Variants in AIFM3 observed in about 807,000 individuals in gnomAD.
The protein encoded by AIFM3 is apoptosis-inducing factor 3.
Under a neutral mutation model 82.7 loss-of-function variants are expected in AIFM3, and 71 were observed. That is an observed-to-expected ratio of 0.86 (90% CI 0.71 to 1.05). The LOEUF (loss-of-function observed/expected upper bound fraction) is 1.05, where lower values mean the gene tolerates loss of function less well. AIFM3 is among the 50% of genes least tolerant of loss of function. The probability of loss-of-function intolerance (pLI) is 0.00; values close to 1 mark genes in which losing one functional copy is unlikely to be tolerated. For missense variants in AIFM3, 748 were observed against 816.7 expected, an observed-to-expected ratio of 0.92 and a Z score of 1.03; for synonymous variants, 337 against 329.1, an observed-to-expected ratio of 1.02 and a Z score of -0.26.
At chr22:20,980,332 G>A in intron 19 of AIFM3, 1 of 607,950 alleles carries the variant, frequency 1.6e-6, no homozygotes, top group East Asian at 2.8e-5. Context: ...TGGATGGAAG[G>A]GATAGAGATG....
intron 10 of AIFM3, 38 bp downstream of exon 10, chr22:20,976,344 A>G: frequency 6.2e-7 from 1 of 1,613,742 alleles, no homozygotes; most frequent in Non-Finnish European, 8.5e-7. Context: ...GACACTAGGC[A>G]GGGCACTGGC....
In AIFM3 at chr22:20,974,719, T is replaced by C; in HGVS notation, c.623T>C (p.Val208Ala). Residue 208 changes from valine (V) to alanine (A), a missense_variant, in exon 8 of 21, where the codon GTG becomes GCG. Physicochemically the swap from Val to Ala is moderately conservative, Grantham distance 64 (BLOSUM62 0). This residue lies in a region of AIFM3 where 393 missense variants were observed against 481.1 expected (regional missense o/e 0.82). Coordinates refer to ENST00000440238, the MANE Select transcript of AIFM3 (RefSeq NM_001386814.1). ...CTCCCCTCAGGTGCAGCTGGCCTGG[T>C]GTGTGCAGAGACACTGCGGCAGGAG... ...LIVGAGAAGL[V>A]CAETLRQEGF... The C allele has an allele frequency of 6.2e-7, 1 of 1,614,054 alleles. No homozygotes were observed. The highest frequency in any genetic ancestry group is 1.1e-5 in the South Asian group (1 of 91,066).
intron 2 of AIFM3, 39 bp downstream of exon 2, chr22:20,968,014 TCCCCGCCTCCTCCTCCCCCGTCTC>T: frequency 6.3e-7 from 1 of 1,580,524 alleles, no homozygotes; most frequent in Non-Finnish European, 8.6e-7. Flanking sequence ...TTCTCCTCCC[TCCCCGCCTCCTCCTCCCCCGTCTC>T]CCCCCCCTCC....
intron 3 of AIFM3, 111 bp downstream of exon 3, chr22:20,973,631 C>T: frequency 7.2e-7 from 1 of 1,384,586 alleles, no homozygotes; most frequent in Non-Finnish European, 9.8e-7. Flanking sequence ...CCAGCTGCTG[C>T]CCTGGTCACT....
At chr22:20,975,847 T>C (rs978630517) in intron 9 of AIFM3, 69 bp downstream of exon 9, 235 of 1,541,358 alleles carry the variant, frequency 1.5e-4, no homozygotes, top group Non-Finnish European at 2.0e-4. Flanking sequence ...TGTGGGCCCC[T>C]GGGGTGGGGT....
intron 3 of AIFM3, 60 bp from the exon 4 acceptor site, chr22:20,973,698 G>C: frequency 6.9e-7 from 1 of 1,459,360 alleles, no homozygotes; most frequent in Non-Finnish European, 9.2e-7. Flanking sequence ...ACACTGGGAG[G>C]AGCTGCCAGG....
chr22:20,976,706 G>T lies in AIFM3; in HGVS notation c.1086G>T (p.Glu362Asp). Residue 362 changes from glutamate (E) to aspartate (D), a missense_variant, in exon 12 of 21, where the codon GAG becomes GAT. Glu to Asp is a conservative substitution (Grantham distance 45). Around this residue, in one of 5 missense-constraint regions of AIFM3, gnomAD observed 393 missense variants for 481.1 expected, o/e 0.82. Transcript: ENST00000440238. ...TEKAHSVSVVELEETPFRRFL... is the reference protein window; with the variant it reads ...TEKAHSVSVVDLEETPFRRFL... ...AGGCCCACTCTGTGTCTGTGGTGGAGCTGGAGGAGACGCCCTTCAGGAGGT... is the reference window on the plus strand; with the variant it reads ...AGGCCCACTCTGTGTCTGTGGTGGATCTGGAGGAGACGCCCTTCAGGAGGT... 6.2e-7 allele frequency: 1 copy of T among 1,609,378 alleles called. No individual in the cohort carries two copies. The highest frequency in any genetic ancestry group is 8.5e-7 in the Non-Finnish European group (1 of 1,177,814).
intron 18 of AIFM3, 156 bp downstream of exon 18, chr22:20,979,858 C>A (rs1022530179): frequency 2.6e-6 from 3 of 1,169,954 alleles, no homozygotes; most frequent in Non-Finnish European, 2.4e-6. Flanking sequence ...TGTGCACGGT[C>A]AAGCCGCGAT....
intron 16 of AIFM3, among the ~76,000 whole-genome samples, chr22:20,978,260 T>A (rs1447513894): frequency 6.7e-6 from 1 of 148,460 alleles, no homozygotes; most frequent in African/African-American, 2.5e-5. Flanking sequence ...CAAGGACATA[T>A]ATTCTGCAGA....
chr22:20,973,986 C>A (rs1923451156), intron 4 of AIFM3, 77 bp from the exon 5 acceptor site: 1 of 1,505,072 alleles, frequency 6.6e-7, no homozygotes, highest in African/African-American at 1.4e-5. Flanking sequence ...GGGGAGGGGC[C>A]CGCAGTTGCC....
chr22:20,975,508 G>A (rs920272691), intron 8 of AIFM3, among the ~76,000 whole-genome samples, 184 bp from the exon 9 acceptor site: 5 of 152,172 alleles, frequency 3.3e-5, no homozygotes, highest in African/African-American at 1.2e-4. Flanking sequence ...TGGTTCAAGC[G>A]ATCCTCCTGT....
chr22:20,978,580 CAG>C lies in AIFM3; in HGVS notation c.1477+582_1477+583del, dbSNP rs375272167. 1.5e-3 allele frequency among the ~76,000 whole-genome samples: 234 copies of C among 152,128 alleles called. 1 individual carries two copies. Among genetic ancestry groups the C allele is most frequent in the African/African-American group, 5.3e-3 (221 of 41,494 alleles). On this transcript the variant is annotated intron_variant, in intron 16 of 20. Transcript: ENST00000440238. ...CATCACATTAGTTGCCTCACTGCCT[CAG>C]AGAGAGGACTGCCAGACTCCCAGCC... is the stretch of plus-strand genomic sequence containing the variant.
chr22:20,979,425 G>A, intron 17 of AIFM3, 56 bp downstream of exon 17: 1 of 1,499,584 alleles, frequency 6.7e-7, no homozygotes, highest in South Asian at 1.2e-5. Context: ...GGCGGGGCTT[G>A]GGTGTGGGGC....
chr22:20,968,958 C>G (rs540902520), intron 2 of AIFM3, among the ~76,000 whole-genome samples: 1 of 152,298 alleles, frequency 6.6e-6, no homozygotes, highest in East Asian at 1.9e-4. Flanking sequence ...GATGACCCAC[C>G]AGGCAGAGGG....
chr22:20,973,810 G>C lies in AIFM3; in HGVS notation c.298G>C (p.Gly100Arg). ...GAAGGTGTTGCTGGTGAAGGACAAT[G>C]GGGAGTTCCACGCCCTGGGCCATAA... Reference protein sequence around the residue: ...WGKVLLVKDNGEFHALGHKCP... With the variant: ...WGKVLLVKDNREFHALGHKCP... Residue 100 changes from glycine to arginine, a missense_variant, in exon 4 of 21, where the codon GGG becomes CGG. Gly to Arg is a moderately radical substitution (Grantham distance 125, BLOSUM62 -2). Around this residue, in one of 5 missense-constraint regions of AIFM3, gnomAD observed 148 missense variants for 134.1 expected, o/e 1.10. Transcript: ENST00000440238. 6.3e-7 allele frequency: 1 copy of C among 1,584,054 alleles called. No individual in the cohort carries two copies. The highest frequency in any genetic ancestry group is 8.6e-7 in the Non-Finnish European group (1 of 1,165,164).
At position 20,975,723 on chromosome 22, in the gene AIFM3, T is replaced by A; in HGVS notation, c.752T>A (p.Leu251Gln). ...GACACACAGCCTGAGCAGCTGGCCC[T>A]GAGGCCCAAGGAGTTTTTCCGAGCC... is the stretch of plus-strand genomic sequence containing the variant. ...SLDTQPEQLALRPKEFFRAYG... is the reference protein window; with the variant it reads ...SLDTQPEQLAQRPKEFFRAYG... The change falls in exon 9 of 21, where the codon CTG becomes CAG. Residue 251 changes from leucine to glutamine, a missense_variant. This residue lies in a region of AIFM3 where 393 missense variants were observed against 481.1 expected (regional missense o/e 0.82). Coordinates refer to ENST00000440238, the MANE Select transcript of AIFM3 (RefSeq NM_001386814.1). The A allele has an allele frequency of 1.9e-6, 3 of 1,613,734 alleles. No homozygotes were observed. Among genetic ancestry groups the A allele is most frequent in the African/African-American group, 1.3e-5 (1 of 75,066 alleles).
chr22:20,977,351 C>G (rs1923755982), intron 14 of AIFM3: 5 of 610,358 alleles, frequency 8.2e-6, no homozygotes, highest in Non-Finnish European at 1.4e-5. Flanking sequence ...CGAGAGTTGA[C>G]ATAGACGAGA....
At chr22:20,980,197 C>A in intron 19 of AIFM3, 73 bp downstream of exon 19, 1 of 1,391,638 alleles carries the variant, frequency 7.2e-7, no homozygotes, top group Non-Finnish European at 9.9e-7. Flanking sequence ...CTATGACAGC[C>A]AGCCGCCCCC....
rs1055770970 is a variant in AIFM3, at chr22:20,976,864, C to T, written c.1147-3C>T. On this transcript the variant is annotated splice_polypyrimidine_tract_variant and splice_region_variant and intron_variant, in intron 12 of 20. Coordinates refer to ENST00000440238, the MANE Select transcript of AIFM3 (RefSeq NM_001386814.1). ...CCGCCCACCTGCCCACTTGCCCTGA[C>T]AGATGTTTGAGAACAACCGGGTGAA... 1 of 1,599,614 alleles carries T rather than the reference C, an allele frequency of 6.3e-7. No individual in the cohort carries two copies. Among genetic ancestry groups the T allele is most frequent in the Middle Eastern group, 1.7e-4 (1 of 5,986 alleles).
Sources: allele counts gnomAD v4.1 joint callset (sites outside exome capture counted in the v4.1 genomes callset), GRCh38; gene constraint gnomAD v4.1.1; regional missense constraint gnomAD v4.1.1; transcripts MANE v1.5; gene names NCBI Gene and HGNC (gene_info 2026-07-23, HGNC 2026-07-21).